The following DLGAP1 variants were observed in gnomAD, a reference collection of about 807,000 sequenced individuals.
DLGAP1 encodes disks large-associated protein 1.
Under a neutral mutation model 90.8 loss-of-function variants are expected in DLGAP1, and 11 were observed. The ratio of observed to expected loss-of-function variants is 0.12; its 90% confidence interval spans 0.08 to 0.20. The LOEUF is 0.20. Among genes scored for constraint, DLGAP1 ranks in the 10% least tolerant of loss-of-function variants. DLGAP1 has a pLI of 1.00. For missense variants in DLGAP1, 1,050 were observed against 1,333.8 expected (o/e 0.79, Z 3.31); for synonymous variants, 558 against 540.7 (o/e 1.03, Z -0.44).
chr18:4,413,042 G>A (rs769174339), intron 1 of DLGAP1, among the ~76,000 whole-genome samples: 8 of 152,188 alleles, frequency 5.3e-5, no homozygotes, highest in African/African-American at 9.7e-5. Flanking sequence ...TCACTGGGGC[G>A]TTTTTGATAC....
intron 3 of DLGAP1, among the ~76,000 whole-genome samples, chr18:3,926,456 GTATA>G (rs2072390452): frequency 7.0e-6 from 1 of 142,522 alleles, no homozygotes; most frequent in Non-Finnish European, 1.5e-5. Flanking sequence ...ATGCATGTAT[GTATA>G]TATGTGCCTA....
At chr18:3,672,535 C>T (rs776842145) in intron 7 of DLGAP1, among the ~76,000 whole-genome samples, 97 of 138,822 alleles carry the variant, frequency 7.0e-4, no homozygotes, top group Non-Finnish European at 1.2e-3. Flanking sequence ...CAAGATCTCG[C>T]CATTGCACTC....
chr18:3,536,214 A>ACTTT (rs1345212267), intron 9 of DLGAP1, among the ~76,000 whole-genome samples: 3 of 138,996 alleles, frequency 2.2e-5, no homozygotes, highest in Non-Finnish European at 3.1e-5. Flanking sequence ...TTCCTTTCTT[A>ACTTT]CTTTCTTTCT....
At chr18:3,560,427 A>T (rs2054015264) in intron 9 of DLGAP1, among the ~76,000 whole-genome samples, 1 of 149,008 alleles carries the variant, frequency 6.7e-6, no homozygotes, top group African/African-American at 2.5e-5. Flanking sequence ...TCAAAAAAAA[A>T]AAAAAAAAAA....
intron 2 of DLGAP1, among the ~76,000 whole-genome samples, chr18:4,140,546 A>T (rs896464102): frequency 4.6e-5 from 7 of 151,940 alleles, no homozygotes; most frequent in Non-Finnish European, 8.8e-5. Context: ...CTTTCTAGTC[A>T]AGATACGAAT....
Position 4,300,806 on chromosome 18 carries a change from T to C in DLGAP1, c.-266-149519A>G, listed in dbSNP as rs1306096636. On this transcript the variant is annotated intron_variant, in intron 1 of 12. Coordinates refer to ENST00000315677, the MANE Select transcript of DLGAP1 (RefSeq NM_004746.4). ...ACTTGTAAGGATTTGTTATATACTC[T>C]TGCACACCAAGGGCTTTCTGCCATT... Among the ~76,000 whole-genome samples the C allele has an allele frequency of 2.6e-5, 4 of 152,304 alleles. No individual in the cohort carries two copies. The East Asian group carries it at 7.7e-4, about 29-fold the overall frequency.
chr18:3,912,416 TC>T (rs2072055549), intron 3 of DLGAP1, among the ~76,000 whole-genome samples: 1 of 152,134 alleles, frequency 6.6e-6, no homozygotes, highest in Admixed American at 6.5e-5. Flanking sequence ...AGGTTTATTC[TC>T]CCAGGTACTA....
chr18:4,137,491 C>T (rs1307813057), intron 2 of DLGAP1, among the ~76,000 whole-genome samples: 1 of 152,124 alleles, frequency 6.6e-6, no homozygotes, highest in East Asian at 1.9e-4. Flanking sequence ...GTCTATGTGT[C>T]TGTTTTTATG....
At chr18:4,233,339 C>T (rs1241774655) in intron 1 of DLGAP1, among the ~76,000 whole-genome samples, 2 of 152,102 alleles carry the variant, frequency 1.3e-5, no homozygotes, top group Non-Finnish European at 2.9e-5. Flanking sequence ...TCTTTCATGA[C>T]CTTAAAAATT....
chr18:4,185,209 CAA>C (rs1351003036), intron 1 of DLGAP1, among the ~76,000 whole-genome samples: 1 of 151,200 alleles, frequency 6.6e-6, no homozygotes, highest in African/African-American at 2.4e-5. Context: ...TACAATAAGA[CAA>C]GAATAAAATT....
intron 3 of DLGAP1, among the ~76,000 whole-genome samples, chr18:3,892,579 G>A (rs1254315522): frequency 1.3e-5 from 2 of 152,184 alleles, no homozygotes; most frequent in East Asian, 1.9e-4. Flanking sequence ...TCTAATTTAC[G>A]ATCTAGTTGA....
chr18:3,782,879 G>A (rs1598731289), intron 5 of DLGAP1, among the ~76,000 whole-genome samples: 1 of 152,062 alleles, frequency 6.6e-6, no homozygotes, highest in African/African-American at 2.4e-5. Context: ...CCAAAGAATG[G>A]GAGAAAATTT....
chr18:3,582,361 A>G, intron 7 of DLGAP1, 113 bp from the exon 8 acceptor site: 2 of 1,478,248 alleles, frequency 1.4e-6, no homozygotes, highest in Non-Finnish European at 1.8e-6. Flanking sequence ...GAGACATTTA[A>G]CAGGAAAACA....
Position 3,879,589 on chromosome 18 carries a change from C to T in DLGAP1, c.480G>A (p.Lys160=). ...TKSHSLEGPS[K]GSVNGGKASP... ...TGGCCTTGCCCCCGTTGACGCTGCC[C>T]TTGGACGGCCCCTCCAGGGAGTGCG... The change falls in exon 4 of 13, where the codon AAG becomes AAA. Residue 160 remains lysine, a synonymous_variant. Coordinates refer to ENST00000315677, the MANE Select transcript of DLGAP1 (RefSeq NM_004746.4). The surrounding 1 kb of genome is among the most constrained non-coding windows in gnomAD (Gnocchi z 6.6). 6.2e-7 allele frequency: 1 copy of T among 1,600,830 alleles called. No homozygotes were observed. The highest frequency in any genetic ancestry group is 1.7e-4 in the Middle Eastern group (1 of 6,046).
chr18:4,146,882 A>G, intron 2 of DLGAP1, among the ~76,000 whole-genome samples: 1 of 152,224 alleles, frequency 6.6e-6, no homozygotes, highest in Non-Finnish European at 1.5e-5. Flanking sequence ...AAACATACAA[A>G]ATAAATTCCA....
chr18:3,837,890 C>G (rs1203521219), intron 4 of DLGAP1, among the ~76,000 whole-genome samples: 3 of 95,336 alleles, frequency 3.1e-5, no homozygotes, highest in Non-Finnish European at 6.4e-5. Flanking sequence ...AAGTCAGGGA[C>G]AAGGATAAAT....
chr18:4,207,896 T>C (rs1490302148), intron 1 of DLGAP1, among the ~76,000 whole-genome samples: 1 of 152,234 alleles, frequency 6.6e-6, no homozygotes, highest in African/African-American at 2.4e-5. Context: ...TGGAGCAGAA[T>C]AAATGCCTCA....
At chr18:4,265,473 C>T (rs2079092906) in intron 1 of DLGAP1, among the ~76,000 whole-genome samples, 1 of 137,632 alleles carries the variant, frequency 7.3e-6, no homozygotes, top group African/African-American at 2.8e-5. Flanking sequence ...CCAGCCCCTT[C>T]CTTCCTTCCT....
At chr18:3,601,150 G>A (rs940381127) in intron 7 of DLGAP1, among the ~76,000 whole-genome samples, 1 of 151,652 alleles carries the variant, frequency 6.6e-6, no homozygotes, top group Non-Finnish European at 1.5e-5. Context: ...GCAGTGATGT[G>A]ATCTCAGCTC....
Sources: allele counts gnomAD v4.1 joint callset (sites outside exome capture counted in the v4.1 genomes callset), GRCh38; gene constraint gnomAD v4.1.1; non-coding constraint Gnocchi (gnomAD v3.1); transcripts MANE v1.5; gene names NCBI Gene and HGNC (gene_info 2026-07-23, HGNC 2026-07-21).